CAMK4: variants seen among roughly 807,000 people sequenced by gnomAD.
The protein encoded by CAMK4 is calcium/calmodulin-dependent protein kinase type IV.
A neutral mutation model predicts 44.9 loss-of-function variants in CAMK4; 22 were observed. The ratio of observed to expected loss-of-function variants is 0.49; its 90% CI spans 0.35 to 0.70. CAMK4 has a LOEUF of 0.70. CAMK4 is among the 30% of genes least tolerant of loss of function. The pLI is 0.01. For missense variants in CAMK4, 498 were observed against 586.8 expected, an observed-to-expected ratio of 0.85 and a Z score of 1.56; for synonymous variants, 218 against 215.4, an observed-to-expected ratio of 1.01 and a Z score of -0.11.
chr5:111,461,009 G>A (rs1218269728), intron 7 of CAMK4, among the ~76,000 whole-genome samples: 1 of 152,156 alleles, frequency 6.6e-6, no homozygotes, highest in Non-Finnish European at 1.5e-5. Context: ...AATTCTTGCG[G>A]TAAGGAAGAC....
intron 7 of CAMK4, among the ~76,000 whole-genome samples, chr5:111,461,494 A>G (rs1754640086): frequency 6.6e-6 from 1 of 152,214 alleles, no homozygotes; most frequent in Non-Finnish European, 1.5e-5. Flanking sequence ...AAAGGACCGC[A>G]CAAAGTACAG....
At chr5:111,360,802 G>T (rs567488803) in intron 2 of CAMK4, among the ~76,000 whole-genome samples, 1 of 152,132 alleles carries the variant, frequency 6.6e-6, no homozygotes, top group Non-Finnish European at 1.5e-5. Context: ...ATGTTAAAAT[G>T]CTACCTCAGA....
At chr5:111,380,276 T>A (rs1409821647) in intron 4 of CAMK4, among the ~76,000 whole-genome samples, 1 of 152,136 alleles carries the variant, frequency 6.6e-6, no homozygotes, top group East Asian at 1.9e-4. Flanking sequence ...TAGTTTTGAA[T>A]TTTGTAAACA....
At chr5:111,440,362 A>G (rs1336085859) in intron 5 of CAMK4, among the ~76,000 whole-genome samples, 1 of 152,200 alleles carries the variant, frequency 6.6e-6, no homozygotes, top group East Asian at 1.9e-4. Context: ...ATCAATGACA[A>G]ATATTATTTA....
chr5:111,325,648 CCTATGTTTCTTGGCCACATAAATGTCTT>C (rs1295296244), intron 1 of CAMK4, among the ~76,000 whole-genome samples: 1 of 151,992 alleles, frequency 6.6e-6, no homozygotes, highest in Non-Finnish European at 1.5e-5. Flanking sequence ...AGCTTTTTTC[CCTATGTTTCTTGGCCACATAAATGTCTT>C]CTTTTGAGAA....
intron 2 of CAMK4, among the ~76,000 whole-genome samples, chr5:111,350,309 T>C (rs146009054): frequency 6.6e-6 from 1 of 152,208 alleles, no homozygotes; most frequent in East Asian, 1.9e-4. Flanking sequence ...GTTCATTCTA[T>C]ATAATTTTAA....
chr5:111,460,340 T>G (rs1438181719), intron 7 of CAMK4, among the ~76,000 whole-genome samples: 1 of 149,904 alleles, frequency 6.7e-6, no homozygotes, highest in Non-Finnish European at 1.5e-5. Context: ...CAATCGATCT[T>G]GGCTCACTGC....
At chr5:111,296,465 A>G (rs1246743848) in intron 1 of CAMK4, among the ~76,000 whole-genome samples, 17 of 152,212 alleles carry the variant, frequency 1.1e-4, no homozygotes, top group Non-Finnish European at 2.5e-4. Context: ...AATCTTTTTA[A>G]AAGGGGCAGA....
At chr5:111,390,485 A>G (rs1025054876) in intron 4 of CAMK4, among the ~76,000 whole-genome samples, 30 of 152,334 alleles carry the variant, frequency 2.0e-4, no homozygotes, top group African/African-American at 7.2e-4. Context: ...ACAATATCTA[A>G]AGAAAACAGA....
chr5:111,412,665 T>G (rs143520), intron 5 of CAMK4, among the ~76,000 whole-genome samples: 1 of 151,998 alleles, frequency 6.6e-6, no homozygotes, highest in African/African-American at 2.4e-5. Context: ...AGGTAGAAGG[T>G]GGGACTCAAC....
intron 2 of CAMK4, among the ~76,000 whole-genome samples, chr5:111,348,211 C>G (rs1346558967): frequency 6.6e-6 from 1 of 151,988 alleles, no homozygotes. Context: ...TTAGTTTACA[C>G]TAGCAATGAG....
At chr5:111,267,834 A>C (rs1750330507) in intron 1 of CAMK4, among the ~76,000 whole-genome samples, 1 of 147,888 alleles carries the variant, frequency 6.8e-6, no homozygotes, top group Admixed American at 6.7e-5. Flanking sequence ...ACGGCTTTTG[A>C]TTCAGTAAAT....
Position 111,437,823 on chromosome 5 carries a change from C to A in CAMK4, c.460-8863C>A, listed in dbSNP as rs1278236838. Reference sequence around the variant, plus strand: ...TGAGGCTGGAGAGGAGCATAGGAACCAGATCACCAAGACCTTGAAGGCCAG... The same window carrying A: ...TGAGGCTGGAGAGGAGCATAGGAACAAGATCACCAAGACCTTGAAGGCCAG... On this transcript the variant is annotated intron_variant, in intron 5 of 10. Transcript: ENST00000282356. Among the ~76,000 whole-genome samples, 5 of 152,174 alleles carry A rather than the reference C, an allele frequency of 3.3e-5. No individual in the cohort carries two copies. In the East Asian group the frequency reaches 9.7e-4, roughly 29 times the overall value.
intron 2 of CAMK4, among the ~76,000 whole-genome samples, chr5:111,369,077 T>C (rs2112811437): frequency 6.6e-6 from 1 of 150,446 alleles, no homozygotes; most frequent in East Asian, 1.9e-4. Flanking sequence ...TTATTATTAT[T>C]ATTATTGAGA....
chr5:111,417,148 A>G (rs765254096), intron 5 of CAMK4, among the ~76,000 whole-genome samples: 1 of 151,912 alleles, frequency 6.6e-6, no homozygotes, highest in Non-Finnish European at 1.5e-5. Flanking sequence ...TGCAGCCTCA[A>G]TCTTCTGTGT....
At chr5:111,227,464 T>A (rs1467182459) in intron 1 of CAMK4, among the ~76,000 whole-genome samples, 1 of 152,234 alleles carries the variant, frequency 6.6e-6, no homozygotes. Context: ...GTAGACAGTC[T>A]CCACCAGAAT....
Position 111,224,727 on chromosome 5 carries a change from G to A in CAMK4, c.161+83G>A, listed in dbSNP as rs933132812. 1 of 1,363,084 alleles carries A rather than the reference G, an allele frequency of 7.3e-7. No homozygotes were observed. Among genetic ancestry groups the A allele is most frequent in the Non-Finnish European group, 1.0e-6 (1 of 994,906 alleles). The allele number at this position is 1,363,084 out of a possible 1,614,324, so 84.4% of individuals were successfully genotyped here. A position where few individuals can be genotyped will look rare whatever the true frequency, so the allele number is the denominator to read the frequency against. ...CGCAGCGACGGCTCGGAGGGTGCGG[G>A]AGCCTGCCTTCGTGCCCTTCGATTT... On this transcript the variant is annotated intron_variant, in intron 1 of 10. Coordinates refer to ENST00000282356, the MANE Select transcript of CAMK4 (RefSeq NM_001744.6). This position sits in a 1 kb window ranked among gnomAD's most constrained non-coding sequence, Gnocchi z 5.7.
chr5:111,397,957 T>A (rs1752083097), intron 5 of CAMK4, among the ~76,000 whole-genome samples: 2 of 152,128 alleles, frequency 1.3e-5, no homozygotes, highest in South Asian at 4.1e-4. Flanking sequence ...CTGAGTGATC[T>A]CTATTTGCTT....
chr5:111,480,288 A>ACC (rs1554075307), intron 9 of CAMK4, among the ~76,000 whole-genome samples: 9 of 145,116 alleles, frequency 6.2e-5, no homozygotes, highest in East Asian at 2.0e-4. Flanking sequence ...ACACACACAC[A>ACC]CCCCTGGGTA....
Sources: allele counts gnomAD v4.1 joint callset (sites outside exome capture counted in the v4.1 genomes callset), GRCh38; gene constraint gnomAD v4.1.1; non-coding constraint Gnocchi (gnomAD v3.1); transcripts MANE v1.5; gene names NCBI Gene and HGNC (gene_info 2026-07-23, HGNC 2026-07-21).